The following ATP8A2 variants were observed in gnomAD, a reference collection of about 807,000 sequenced individuals.
ATP8A2 encodes phospholipid-transporting ATPase IB.
In ATP8A2, 100 loss-of-function variants were observed where a neutral mutation model predicts 165.6. The ratio of observed to expected loss-of-function variants is 0.60; its 90% CI spans 0.51 to 0.71. ATP8A2 has a LOEUF of 0.71. Among genes scored for constraint, ATP8A2 ranks in the 30% least tolerant of loss-of-function variants. ATP8A2 has a pLI of 0.00. For synonymous variants in ATP8A2, 543 were observed against 548.8 expected (o/e 0.99, Z 0.15); for missense variants, 1,227 against 1,479.5 (o/e 0.83, Z 2.80).
At chr13:25,848,732 G>C (rs976619961) in intron 30 of ATP8A2, among the ~76,000 whole-genome samples, 3 of 152,130 alleles carry the variant, frequency 2.0e-5, no homozygotes, top group Non-Finnish European at 4.4e-5. Flanking sequence ...TATAAACCCT[G>C]CTTTTTATAA....
At chr13:25,483,898 A>G (rs995398037) in intron 2 of ATP8A2, among the ~76,000 whole-genome samples, 4 of 152,238 alleles carry the variant, frequency 2.6e-5, no homozygotes, top group Admixed American at 2.0e-4. Context: ...GATAACCAAA[A>G]CAATCAATTA....
chr13:25,823,563 A>G (rs1456824351), intron 27 of ATP8A2, among the ~76,000 whole-genome samples: 1 of 152,176 alleles, frequency 6.6e-6, no homozygotes, highest in East Asian at 1.9e-4. Context: ...AAGGACTTGT[A>G]AACATCTTTT....
At chr13:25,973,937 C>CT (rs1346242893) in intron 35 of ATP8A2, among the ~76,000 whole-genome samples, 2 of 152,208 alleles carry the variant, frequency 1.3e-5, no homozygotes, top group African/African-American at 2.4e-5. Context: ...CTATTATTGG[C>CT]TTTTTTTCCA....
rs866785601 is a variant in ATP8A2, at chr13:25,409,383, G to T, written c.76+37095G>T. The stretch of plus-strand genomic sequence containing the variant: ...AAAGACAAGATCCTGGACATCCAGG[G>T]CTCAAGATCTAAGATGTAATATTCC... On this transcript the variant is annotated intron_variant, in intron 1 of 36. Coordinates refer to ENST00000381655, the MANE Select transcript of ATP8A2 (RefSeq NM_016529.6). Among the ~76,000 whole-genome samples, 4 of 152,294 alleles carry T rather than the reference G, an allele frequency of 2.6e-5. No homozygotes were observed. The South Asian group carries it at 8.3e-4, about 32-fold the overall frequency.
intron 33 of ATP8A2, among the ~76,000 whole-genome samples, chr13:25,865,439 C>T (rs1028016534): frequency 4.6e-5 from 7 of 152,174 alleles, no homozygotes; most frequent in African/African-American, 1.4e-4. Flanking sequence ...AGAGATTTGA[C>T]ACACAAAACA....
At chr13:25,992,219 T>TGTCC (rs1491189268) in intron 35 of ATP8A2, among the ~76,000 whole-genome samples, 2 of 129,962 alleles carry the variant, frequency 1.5e-5, no homozygotes, top group East Asian at 6.1e-4. Flanking sequence ...AGTGCTGTCC[T>TGTCC]TTTTTTTTTT....
intron 18 of ATP8A2, 77 bp from the exon 19 acceptor site, chr13:25,574,731 G>A: frequency 1.2e-6 from 1 of 854,310 alleles, no homozygotes; most frequent in Non-Finnish European, 2.0e-6. Context: ...ATATATGTCT[G>A]TTTATGCTTG....
At chr13:25,895,171 T>C (rs1184016366) in intron 33 of ATP8A2, among the ~76,000 whole-genome samples, 1 of 152,194 alleles carries the variant, frequency 6.6e-6, no homozygotes, top group African/African-American at 2.4e-5. Context: ...GGCTGTGGGT[T>C]TGTCATAGAT....
At chr13:25,559,835 A>G (rs1354376068) in intron 15 of ATP8A2, 70 bp downstream of exon 15, 35 of 1,211,748 alleles carry the variant, frequency 2.9e-5, no homozygotes, top group Non-Finnish European at 4.1e-5. Context: ...ATTATTATTC[A>G]TTTACATTTT....
intron 20 of ATP8A2, 125 bp downstream of exon 20, chr13:25,577,263 T>C (rs1328502058): frequency 2.3e-6 from 2 of 861,064 alleles, no homozygotes; most frequent in East Asian, 2.5e-5. Flanking sequence ...CTGTTTCAGG[T>C]AGGCTGTGAA....
At chr13:25,837,592 G>T (rs1259484435) in intron 29 of ATP8A2, among the ~76,000 whole-genome samples, 3 of 152,136 alleles carry the variant, frequency 2.0e-5, no homozygotes, top group African/African-American at 7.2e-5. Flanking sequence ...CCTGACATCA[G>T]TGTGGGCAGC....
At chr13:25,595,005 T>TATATATATATATAC in intron 24 of ATP8A2, among the ~76,000 whole-genome samples, 1 of 149,436 alleles carries the variant, frequency 6.7e-6, no homozygotes, top group Non-Finnish European at 1.5e-5. Context: ...TATATATATA[T>TATATATATATATAC]ATGTATGTAT....
intron 15 of ATP8A2, among the ~76,000 whole-genome samples, chr13:25,560,099 A>G (rs1204868143): frequency 6.6e-6 from 1 of 152,180 alleles, no homozygotes; most frequent in Non-Finnish European, 1.5e-5. Context: ...ATGTGCTGGG[A>G]TTACAGGTGT....
At chr13:25,665,113 C>A (rs1455294044) in intron 24 of ATP8A2, among the ~76,000 whole-genome samples, 2 of 152,124 alleles carry the variant, frequency 1.3e-5, no homozygotes, top group South Asian at 2.1e-4. Flanking sequence ...AGGCAGAGTC[C>A]CCGGTAGGCG....
intron 2 of ATP8A2, among the ~76,000 whole-genome samples, chr13:25,514,945 C>T (rs2037417366): frequency 1.3e-5 from 2 of 152,122 alleles, no homozygotes; most frequent in Admixed American, 1.3e-4. Context: ...ATGGGGTGCC[C>T]AGGCATCCAG....
At chr13:26,008,342 T>C (rs564052363) in intron 35 of ATP8A2, among the ~76,000 whole-genome samples, 5 of 152,162 alleles carry the variant, frequency 3.3e-5, no homozygotes, top group African/African-American at 1.2e-4. Flanking sequence ...ATAAAACATA[T>C]AGACATGAAA....
chr13:25,374,401 T>C (rs1362298697), intron 1 of ATP8A2, among the ~76,000 whole-genome samples: 1 of 152,092 alleles, frequency 6.6e-6, no homozygotes, highest in African/African-American at 2.4e-5. Flanking sequence ...TCCGGAAAAC[T>C]CTTTTGAGTG....
chr13:25,631,597 C>A (rs2041241837), intron 24 of ATP8A2, among the ~76,000 whole-genome samples: 1 of 151,946 alleles, frequency 6.6e-6, no homozygotes, highest in Non-Finnish European at 1.5e-5. Context: ...ATTTGGTGAC[C>A]TCCTACTTCA....
At chr13:25,748,740 C>A (rs972582072) in intron 25 of ATP8A2, among the ~76,000 whole-genome samples, 1 of 152,162 alleles carries the variant, frequency 6.6e-6, no homozygotes, top group Non-Finnish European at 1.5e-5. Context: ...GAGTAAACAG[C>A]GTTGCTGCGG....
Sources: allele counts gnomAD v4.1 joint callset (sites outside exome capture counted in the v4.1 genomes callset), GRCh38; gene constraint gnomAD v4.1.1; transcripts MANE v1.5; gene names NCBI Gene and HGNC (gene_info 2026-07-23, HGNC 2026-07-21).